DISP1: variants seen among roughly 807,000 people sequenced by gnomAD.
DISP1 encodes the protein dispatched RND transporter family member 1, also known as protein dispatched homolog 1.
DISP1 carries 30 observed loss-of-function variants against 37.3 expected under a neutral mutation model. The ratio of observed to expected loss-of-function variants is 0.80; its 90% confidence interval spans 0.60 to 1.09. The LOEUF (loss-of-function observed/expected upper bound fraction) is 1.09, where lower values mean the gene tolerates loss of function less well. Ranked by LOEUF, DISP1 falls within the 50% of genes least tolerant of loss-of-function variation. The probability of loss-of-function intolerance (pLI) is 0.00; values close to 1 mark genes in which losing one functional copy is unlikely to be tolerated. For missense variants in DISP1, 1,598 were observed against 1,879.5 expected, an observed-to-expected ratio of 0.85 and a Z score of 2.77; for synonymous variants, 634 against 690.2, an observed-to-expected ratio of 0.92 and a Z score of 1.28.
chr1:222,897,402 T>A (rs375528170), intron 1 of DISP1, among the ~76,000 whole-genome samples: 14 of 152,338 alleles, frequency 9.2e-5, no homozygotes, highest in African/African-American at 3.1e-4. Context: ...TGTGGTTTCA[T>A]GGATGCATCT....
intron 8 of DISP1, among the ~76,000 whole-genome samples, chr1:222,998,033 C>T (rs1250533112): frequency 6.6e-6 from 1 of 152,106 alleles, no homozygotes; most frequent in Admixed American, 6.6e-5. Flanking sequence ...GTCTCAAACT[C>T]TATGAACCTG....
chr1:222,874,278 T>C (rs1351546892), intron 1 of DISP1, among the ~76,000 whole-genome samples: 3 of 152,166 alleles, frequency 2.0e-5, no homozygotes, highest in African/African-American at 4.8e-5. Flanking sequence ...TCGAGGAGTA[T>C]CTTTGTGGCG....
At chr1:222,976,573 G>A (rs554545125) in intron 3 of DISP1, among the ~76,000 whole-genome samples, 1 of 152,002 alleles carries the variant, frequency 6.6e-6, no homozygotes, top group Non-Finnish European at 1.5e-5. Context: ...TCCAACTGAT[G>A]TTGACAGTCT....
chr1:222,843,563 TG>T (rs34720346), intron 1 of DISP1, among the ~76,000 whole-genome samples: 19,263 of 146,196 alleles, frequency 0.13, 1,422 homozygotes, highest in South Asian at 0.18. Flanking sequence ...TAATGAAGGA[TG>T]GGGGGGGGAA....
chr1:223,002,423 G>A lies in DISP1; in HGVS notation c.1026G>A (p.Arg342=). 1 of 1,614,072 alleles carries A rather than the reference G, an allele frequency of 6.2e-7. No individual in the cohort carries two copies. Residue 342 remains arginine, a synonymous_variant, in exon 9 of 9, where the codon AGG becomes AGA. Coordinates refer to ENST00000675850, the MANE Select transcript of DISP1 (RefSeq NM_001377229.1). ...SHPQFGDLCQ[R]TTAASCCPSW... ...CCCAGTTTGGTGATCTCTGCCAGAGGACCACTGCTGCCTCCTGCTGCCCCA... is the reference window on the plus strand; with the variant it reads ...CCCAGTTTGGTGATCTCTGCCAGAGAACCACTGCTGCCTCCTGCTGCCCCA...
At chr1:222,948,990 C>T (rs1558350070) in intron 3 of DISP1, among the ~76,000 whole-genome samples, 1 of 152,166 alleles carries the variant, frequency 6.6e-6, no homozygotes, top group African/African-American at 2.4e-5. Flanking sequence ...AGTAGACTCT[C>T]TTTCATCCCC....
chr1:222,873,657 C>A (rs1031645600), intron 1 of DISP1, among the ~76,000 whole-genome samples: 48 of 152,154 alleles, frequency 3.2e-4, no homozygotes, highest in African/African-American at 1.1e-3. Context: ...TTATTTTGAG[C>A]CTATGTGTGT....
At chr1:222,865,352 A>C (rs1260222043) in intron 1 of DISP1, among the ~76,000 whole-genome samples, 1 of 152,154 alleles carries the variant, frequency 6.6e-6, no homozygotes, top group Non-Finnish European at 1.5e-5. Flanking sequence ...GGAATTGATT[A>C]CTTTTTGTTT....
chr1:222,902,625 A>C (rs9441852), intron 1 of DISP1, among the ~76,000 whole-genome samples: 10,813 of 151,968 alleles, frequency 0.071, 473 homozygotes, highest in Non-Finnish European at 0.097. Flanking sequence ...ACAACCCCAT[A>C]AAAAAGTGGG....
intron 1 of DISP1, among the ~76,000 whole-genome samples, chr1:222,819,538 CTTTTTTTTTTTTTTT>C (rs762729584): frequency 3.4e-5 from 4 of 118,296 alleles, no homozygotes; most frequent in African/African-American, 1.2e-4. Context: ...ACACACATAT[CTTTTTTTTTTTTTTT>C]TTTTGACACA....
chr1:222,989,903 A>G lies in DISP1; in HGVS notation c.540-722A>G, dbSNP rs556032189. Among the ~76,000 whole-genome samples the G allele has an allele frequency of 1.4e-4, 22 of 152,130 alleles. No individual in the cohort carries two copies. The East Asian group carries it at 3.9e-3, about 27-fold the overall frequency. ...CTGCAACCTCCACCTCCCGGGTCCA[A>G]GTGATTCTCCTGCCTCAGCCTCCCA... On this transcript the variant is annotated intron_variant, in intron 4 of 8. Transcript: ENST00000675850.
At chr1:222,846,698 A>T (rs1667926383) in intron 1 of DISP1, among the ~76,000 whole-genome samples, 1 of 152,254 alleles carries the variant, frequency 6.6e-6, no homozygotes, top group African/African-American at 2.4e-5. Flanking sequence ...CTGTGGCCAA[A>T]ACTAGAATAT....
At chr1:222,862,018 T>C (rs1002115845) in intron 1 of DISP1, among the ~76,000 whole-genome samples, 1 of 152,210 alleles carries the variant, frequency 6.6e-6, no homozygotes, top group Non-Finnish European at 1.5e-5. Context: ...CCTGTTTTTC[T>C]GAAAGGCTGA....
At chr1:222,899,387 C>T (rs995599272) in intron 1 of DISP1, among the ~76,000 whole-genome samples, 8 of 152,130 alleles carry the variant, frequency 5.3e-5, no homozygotes, top group African/African-American at 1.9e-4. Context: ...GGGTGATTTT[C>T]AAGTTGGTGA....
At chr1:222,849,490 C>T (rs999810700) in intron 1 of DISP1, among the ~76,000 whole-genome samples, 1 of 150,508 alleles carries the variant, frequency 6.6e-6, no homozygotes, top group Admixed American at 6.6e-5. Flanking sequence ...GATCACTGTA[C>T]CTAAAAAAAA....
intron 1 of DISP1, among the ~76,000 whole-genome samples, chr1:222,908,831 A>G (rs1672054964): frequency 6.6e-6 from 1 of 152,106 alleles, no homozygotes; most frequent in African/African-American, 2.4e-5. Context: ...TCACTACAGA[A>G]GATACCCTGA....
chr1:222,822,897 A>C (rs1452186669), intron 1 of DISP1, among the ~76,000 whole-genome samples: 2 of 152,230 alleles, frequency 1.3e-5, no homozygotes, highest in Non-Finnish European at 2.9e-5. Context: ...ATGCATTAAA[A>C]TCATCAATTT....
intron 1 of DISP1, among the ~76,000 whole-genome samples, chr1:222,918,397 G>A (rs1296556083): frequency 6.6e-6 from 1 of 152,218 alleles, no homozygotes; most frequent in Non-Finnish European, 1.5e-5. Flanking sequence ...TATAGTCCCA[G>A]GAGTTGTTGA....
chr1:222,960,345 A>T (rs1248929029), intron 3 of DISP1, among the ~76,000 whole-genome samples: 1 of 152,204 alleles, frequency 6.6e-6, no homozygotes, highest in Non-Finnish European at 1.5e-5. Flanking sequence ...TTACATGGAA[A>T]TCGAATAACC....
Sources: gnomAD v4.1 joint callset for allele counts (sites outside exome capture counted in the v4.1 genomes callset) on GRCh38, gnomAD v4.1.1 for gene constraint, MANE v1.5 for transcripts, NCBI Gene and HGNC (gene_info 2026-07-23, HGNC 2026-07-21) for gene names.